CHODL: variants seen among roughly 807,000 people sequenced by gnomAD.
CHODL encodes transmembrane protein MT75.
A neutral mutation model predicts 34.5 loss-of-function variants in CHODL; 29 were observed. That is an observed-to-expected ratio of 0.84 (90% CI 0.63 to 1.15). CHODL has a LOEUF of 1.15. Ranked by LOEUF, CHODL falls within the 50% of genes most tolerant of loss-of-function variation. The pLI is 0.00. For synonymous variants in CHODL, 125 were observed against 116.1 expected (o/e 1.08, Z -0.49); for missense variants, 332 against 332.5 (o/e 1.00, Z 0.01).
chr21:18,257,381 C>A (rs2074330715), intron 3 of CHODL, among the ~76,000 whole-genome samples: 1 of 151,952 alleles, frequency 6.6e-6, no homozygotes, highest in Non-Finnish European at 1.5e-5. Flanking sequence ...TCATTTCTTA[C>A]AATAAAACCA....
At chr21:17,953,322 C>T (rs2146344001) in intron 1 of CHODL, among the ~76,000 whole-genome samples, 1 of 152,098 alleles carries the variant, frequency 6.6e-6, no homozygotes, top group African/African-American at 2.4e-5. Context: ...TCAGTTGAAG[C>T]CTGGTATAAT....
intron 2 of CHODL, among the ~76,000 whole-genome samples, chr21:18,238,367 A>C (rs2074049216): frequency 6.6e-6 from 1 of 152,088 alleles, no homozygotes; most frequent in Non-Finnish European, 1.5e-5. Flanking sequence ...CACTTCTTAC[A>C]TGGTGGTGGC....
chr21:17,979,433 T>G (rs1259487884), intron 1 of CHODL, among the ~76,000 whole-genome samples: 1 of 152,214 alleles, frequency 6.6e-6, no homozygotes, highest in Non-Finnish European at 1.5e-5. Context: ...TGGTGTAGGC[T>G]GATTTTATTT....
At chr21:17,942,151 C>A (rs1652958726) in intron 1 of CHODL, among the ~76,000 whole-genome samples, 2 of 152,102 alleles carry the variant, frequency 1.3e-5, no homozygotes, top group South Asian at 4.1e-4. Context: ...AGCAAAGAAA[C>A]CCTCATGACC....
intron 2 of CHODL, among the ~76,000 whole-genome samples, chr21:18,037,734 G>T (rs1240890146): frequency 6.6e-6 from 1 of 151,662 alleles, no homozygotes; most frequent in Non-Finnish European, 1.5e-5. Flanking sequence ...TAGAGGAAAA[G>T]AACTTGTAGA....
chr21:18,211,663 A>C (rs934593850), intron 2 of CHODL, among the ~76,000 whole-genome samples: 1 of 152,040 alleles, frequency 6.6e-6, no homozygotes, highest in African/African-American at 2.4e-5. Context: ...TTTTTCCCCC[A>C]CTTCTGGGGC....
intron 1 of CHODL, among the ~76,000 whole-genome samples, chr21:18,002,990 G>C (rs2063922514): frequency 6.6e-6 from 1 of 152,074 alleles, no homozygotes; most frequent in African/African-American, 2.4e-5. Context: ...GGGCGAGGTG[G>C]CGGGCGCCTG....
chr21:18,214,713 C>T (rs2073806778), intron 2 of CHODL, among the ~76,000 whole-genome samples: 1 of 152,108 alleles, frequency 6.6e-6, no homozygotes, highest in African/African-American at 2.4e-5. Flanking sequence ...TTGACAAGCA[C>T]TCTTCTAGGT....
At chr21:17,994,512 C>G (rs758467814) in intron 1 of CHODL, among the ~76,000 whole-genome samples, 3 of 152,180 alleles carry the variant, frequency 2.0e-5, no homozygotes, top group Non-Finnish European at 4.4e-5. Context: ...CCTTGGGGCT[C>G]TGGGAGGCAT....
chr21:18,084,235 G>T (rs938877574), intron 2 of CHODL, among the ~76,000 whole-genome samples: 2 of 152,102 alleles, frequency 1.3e-5, no homozygotes, highest in African/African-American at 4.8e-5. Context: ...TACCATGATT[G>T]TAAGTTACCT....
intron 2 of CHODL, among the ~76,000 whole-genome samples, chr21:18,165,983 T>C (rs1353256460): frequency 6.6e-6 from 1 of 152,204 alleles, no homozygotes; most frequent in African/African-American, 2.4e-5. Context: ...AAAAATTTAT[T>C]CTGTGGTTTC....
At chr21:18,162,310 C>T (rs1309697891) in intron 2 of CHODL, among the ~76,000 whole-genome samples, 1 of 152,048 alleles carries the variant, frequency 6.6e-6, no homozygotes, top group Admixed American at 6.5e-5. Context: ...GAATTTGTTT[C>T]ATCCCTCTTC....
At chr21:18,091,018 A>G (rs910383361) in intron 2 of CHODL, among the ~76,000 whole-genome samples, 4 of 152,250 alleles carry the variant, frequency 2.6e-5, no homozygotes, top group African/African-American at 9.6e-5. Context: ...TCTGGCCTGC[A>G]GAGAGACTCT....
chr21:18,052,887 GTA>G (rs2064533838), intron 2 of CHODL, among the ~76,000 whole-genome samples: 5 of 151,838 alleles, frequency 3.3e-5, no homozygotes, highest in African/African-American at 1.2e-4. Context: ...AAGCGAAGGG[GTA>G]AATGTTTTAG....
intron 2 of CHODL, among the ~76,000 whole-genome samples, chr21:18,065,385 C>T (rs2064719244): frequency 6.6e-6 from 1 of 152,136 alleles, no homozygotes; most frequent in South Asian, 2.1e-4. Flanking sequence ...GGATTTAATG[C>T]ATAAATGAGT....
chr21:18,005,638 A>G (rs1312214792), intron 1 of CHODL, among the ~76,000 whole-genome samples: 1 of 152,214 alleles, frequency 6.6e-6, no homozygotes, highest in African/African-American at 2.4e-5. Context: ...TCATGTCCAC[A>G]TAATTTACTT....
chr21:17,967,791 C>T (rs919744236), intron 1 of CHODL, among the ~76,000 whole-genome samples: 13 of 151,496 alleles, frequency 8.6e-5, no homozygotes, highest in African/African-American at 1.7e-4. Flanking sequence ...CAGGGTCAAT[C>T]GATTAATCAA....
chr21:18,072,203 A>G (rs2064814132), intron 2 of CHODL, among the ~76,000 whole-genome samples: 1 of 125,780 alleles, frequency 8.0e-6, no homozygotes, highest in East Asian at 2.1e-3. Flanking sequence ...AACTATTAAT[A>G]GTAATCATAA....
At chr21:18,184,009 C>A (rs2073412378) in intron 2 of CHODL, among the ~76,000 whole-genome samples, 2 of 152,074 alleles carry the variant, frequency 1.3e-5, no homozygotes, top group South Asian at 4.1e-4. Flanking sequence ...GTTTACTTTT[C>A]AAATGCTTAT....
Sources: allele counts gnomAD v4.1 joint callset (sites outside exome capture counted in the v4.1 genomes callset), GRCh38; gene constraint gnomAD v4.1.1; transcripts MANE v1.5; gene names NCBI Gene and HGNC (gene_info 2026-07-23, HGNC 2026-07-21).